Variants in MYOCD observed in about 807,000 individuals in gnomAD.
MYOCD encodes myocardin.
MYOCD carries 32 observed loss-of-function variants against 96.1 expected under a neutral mutation model. The ratio of observed to expected loss-of-function variants is 0.33; its 90% CI spans 0.25 to 0.45. The LOEUF (loss-of-function observed/expected upper bound fraction) is 0.45. Ranked by LOEUF, MYOCD falls within the 20% of genes least tolerant of loss-of-function variation. The pLI, the probability that MYOCD is intolerant of heterozygous loss-of-function variation, is 1.00. For synonymous variants in MYOCD, 469 were observed against 469.0 expected, an observed-to-expected ratio of 1.00 and a Z score of 0.00; for missense variants, 1,133 against 1,200.6, an observed-to-expected ratio of 0.94 and a Z score of 0.83.
Position 12,764,940 on chromosome 17 carries a change from G to C in MYOCD, c.*1296G>C, listed in dbSNP as rs2033294934. The C allele has an allele frequency of 6.6e-6, 1 of 152,168 alleles. No homozygotes were observed. Among genetic ancestry groups the C allele is most frequent in the Non-Finnish European group, 1.5e-5 (1 of 68,036 alleles). 9.4% of individuals were successfully genotyped at this position (152,168 alleles called of 1,614,324 possible). ...GGTGACTTGGTCCATCAGTCACGAA[G>C]TTCTTTCTATTCTCGTTTAGTTTTC... On this transcript the variant is annotated 3_prime_UTR_variant, in exon 14 of 14. Coordinates refer to ENST00000425538, the MANE Select transcript of MYOCD (RefSeq NM_001146312.3).
At chr17:12,736,132 G>A (rs772024592) in intron 5 of MYOCD, 29 bp from the exon 6 acceptor site, 2 of 1,610,436 alleles carry the variant, frequency 1.2e-6, no homozygotes, top group African/African-American at 1.3e-5. Flanking sequence ...CTAAGCCACT[G>A]ACCAAGTTCC....
At chr17:12,710,515 C>T in intron 2 of MYOCD, 2 of 985,020 alleles carry the variant, frequency 2.0e-6, no homozygotes, top group East Asian at 1.1e-4. Context: ...GCTACAGCAG[C>T]CACATACTTA....
In MYOCD at chr17:12,759,490, G is replaced by T. The variant is rs536377126; in HGVS notation, c.2332-1160G>T. ...GAACTGATAAATGACTCATTTTTTG[G>T]TCAGTGCTCCCATCCATATTGATTA... On this transcript the variant is annotated intron_variant, in intron 12 of 13. Coordinates refer to ENST00000425538, the MANE Select transcript of MYOCD (RefSeq NM_001146312.3). Among the ~76,000 whole-genome samples, 25 of 152,134 alleles carry T rather than the reference G, an allele frequency of 1.6e-4. No homozygotes were observed. In the East Asian group the frequency reaches 2.9e-3, roughly 18 times the overall value.
chr17:12,677,764 T>C (rs1910172240), intron 1 of MYOCD, among the ~76,000 whole-genome samples: 1 of 152,122 alleles, frequency 6.6e-6, no homozygotes. Flanking sequence ...ATCAATATGC[T>C]TTGATATGTT....
At chr17:12,735,173 G>C (rs924810016) in intron 5 of MYOCD, among the ~76,000 whole-genome samples, 1 of 152,206 alleles carries the variant, frequency 6.6e-6, no homozygotes, top group Non-Finnish European at 1.5e-5. Context: ...AGAGTCAAAA[G>C]TTCTTGTCAG....
chr17:12,734,012 T>C (rs2032262934), intron 5 of MYOCD, among the ~76,000 whole-genome samples: 1 of 152,162 alleles, frequency 6.6e-6, no homozygotes, highest in Admixed American at 6.5e-5. Flanking sequence ...TATTATTTGC[T>C]CTCTCTCTAC....
rs1278943967 is a variant in MYOCD, at chr17:12,763,246, C to A, written c.2563C>A (p.Leu855Ile). ...DPYATDSDEH[L>I]EVLLNSQSPL... ...CTATGCCACCGACAGTGATGAGCAT[C>A]TTGAAGTCTTATTAAATTCCCAGAG... Residue 855 changes from leucine to isoleucine, a missense_variant, in exon 14 of 14, where the codon CTT becomes ATT. Transcript: ENST00000425538. 6.2e-7 allele frequency: 1 copy of A among 1,614,022 alleles called. No homozygotes were observed. The highest frequency in any genetic ancestry group is 1.7e-5 in the Admixed American group (1 of 60,014).
At chr17:12,677,399 C>T (rs1910132484) in intron 1 of MYOCD, among the ~76,000 whole-genome samples, 2 of 151,876 alleles carry the variant, frequency 1.3e-5, no homozygotes, top group Admixed American at 6.6e-5. Context: ...GCACATGTGC[C>T]CCTAAACTTA....
chr17:12,701,339 G>C (rs187822830), intron 1 of MYOCD, among the ~76,000 whole-genome samples: 168 of 152,234 alleles, frequency 1.1e-3, no homozygotes, highest in African/African-American at 4.0e-3. Context: ...TTGAACCTGG[G>C]AGTCGGAGGT....
chr17:12,669,624 G>GT (rs889075911), intron 1 of MYOCD, among the ~76,000 whole-genome samples: 84 of 148,850 alleles, frequency 5.6e-4, no homozygotes, highest in African/African-American at 1.1e-3. Flanking sequence ...GTTTTTTGTT[G>GT]TTTTTTTTTT....
intron 7 of MYOCD, among the ~76,000 whole-genome samples, chr17:12,741,441 C>T (rs916508774): frequency 2.8e-4 from 43 of 152,212 alleles, no homozygotes; most frequent in African/African-American, 8.9e-4. Context: ...AGCATGGTGG[C>T]TCACGCCTGT....
intron 5 of MYOCD, among the ~76,000 whole-genome samples, chr17:12,731,444 G>A (rs1202073131): frequency 6.6e-6 from 1 of 152,200 alleles, no homozygotes; most frequent in Non-Finnish European, 1.5e-5. Context: ...AGGATAAACT[G>A]CCTCCCGGGT....
At position 12,752,690 on chromosome 17, in the gene MYOCD, G is replaced by T. The variant is rs531377746; in HGVS notation, c.1402G>T (p.Ala468Ser). 5.6e-6 allele frequency: 9 copies of T among 1,614,126 alleles called. No individual in the cohort carries two copies. The African/African-American group carries it at 8.0e-5, about 14-fold the overall frequency. Residue 468 changes from alanine (A) to serine (S), a missense_variant, in exon 10 of 14, where the codon GCT becomes TCT. Physicochemically the swap from Ala to Ser is moderately conservative, Grantham distance 99. Coordinates refer to ENST00000425538, the MANE Select transcript of MYOCD (RefSeq NM_001146312.3). Reference sequence around the variant, plus strand: ...CCCAGCCTCCTCTGACCTGTCAGTCGCTGGGTCCCTGCCGGACACCTTCAA... The same window carrying T: ...CCCAGCCTCCTCTGACCTGTCAGTCTCTGGGTCCCTGCCGGACACCTTCAA... ...ISPASSDLSV[A>S]GSLPDTFNDA... is the part of the protein sequence containing the mutation.
chr17:12,705,140 G>T lies in MYOCD; in HGVS notation c.68G>T (p.Arg23Ile). The T allele has an allele frequency of 6.2e-7, 1 of 1,612,872 alleles. No individual in the cohort carries two copies. The highest frequency in any genetic ancestry group is 8.5e-7 in the Non-Finnish European group (1 of 1,179,004). Residue 23 changes from arginine to isoleucine, a missense_variant, in exon 2 of 14, where the codon AGA becomes ATA. Transcript: ENST00000425538. The part of the protein sequence containing the change: ...RSKFRSVLQL[R>I]LQQRRTQEQL... ...TCCCTTTTCTAAGTTTTACAGTTAA[G>T]ACTTCAACAAAGAAGGACCCAGGAA...
chr17:12,670,364 C>G (rs1909631861), intron 1 of MYOCD, among the ~76,000 whole-genome samples: 1 of 152,156 alleles, frequency 6.6e-6, no homozygotes, highest in African/African-American at 2.4e-5. Flanking sequence ...TCTGTCGTTT[C>G]TCTATTCTCC....
In MYOCD at chr17:12,752,641, C is replaced by T. The variant is rs751555209; in HGVS notation, c.1353C>T (p.Ser451=). The T allele has an allele frequency of 6.8e-6, 11 of 1,613,926 alleles. No individual in the cohort carries two copies. Among genetic ancestry groups the T allele is most frequent in the Admixed American group, 6.7e-5 (4 of 60,002 alleles). The change falls in exon 10 of 14, where the codon AGC becomes AGT. Residue 451 remains serine, a synonymous_variant. Coordinates refer to ENST00000425538, the MANE Select transcript of MYOCD (RefSeq NM_001146312.3). ...CCAACGGCTTCTACCACTTTGGCAG[C>T]ACCAGCTCCAGCCCCCCGATCTCCC... ...ALSNGFYHFG[S]TSSSPPISPA...
intron 3 of MYOCD, 120 bp downstream of exon 3, chr17:12,715,694 TG>T: frequency 1.5e-6 from 1 of 671,618 alleles, no homozygotes; most frequent in Non-Finnish European, 2.6e-6. Context: ...GCCAGTCCCC[TG>T]CCCTCATATC....
At chr17:12,758,052 T>C (rs1240562131) in intron 11 of MYOCD, 33 bp from the exon 12 acceptor site, 2 of 1,458,970 alleles carry the variant, frequency 1.4e-6, no homozygotes, top group Non-Finnish European at 1.9e-6. Flanking sequence ...GATCCATGAA[T>C]TCAATGCCTT....
chr17:12,733,023 G>A lies in MYOCD; in HGVS notation c.416-3138G>A, dbSNP rs567800879. 3.4e-4 allele frequency among the ~76,000 whole-genome samples: 52 copies of A among 152,226 alleles called. No individual in the cohort carries two copies. The South Asian group carries it at 4.8e-3, about 14-fold the overall frequency. On this transcript the variant is annotated intron_variant, in intron 5 of 13. Coordinates refer to ENST00000425538, the MANE Select transcript of MYOCD (RefSeq NM_001146312.3). ...GCCTTAGCATATGACCTATGTATAC[G>A]AAGTAGGCTGGGCGCGGTGGCTCAC... is the stretch of plus-strand genomic sequence containing the variant.
Sources: gnomAD v4.1 joint callset for allele counts (sites outside exome capture counted in the v4.1 genomes callset) on GRCh38, gnomAD v4.1.1 for gene constraint, MANE v1.5 for transcripts, NCBI Gene and HGNC (gene_info 2026-07-23, HGNC 2026-07-21) for gene names.